The following RFX7 variants were observed in gnomAD, a reference collection of about 807,000 sequenced individuals.
RFX7 encodes DNA-binding protein RFX7.
Under a neutral mutation model 111.8 loss-of-function variants are expected in RFX7, and 26 were observed. The ratio of observed to expected loss-of-function variants is 0.23; its 90% CI spans 0.17 to 0.32. The LOEUF (loss-of-function observed/expected upper bound fraction) is 0.32, where lower values mean the gene tolerates loss of function less well. Ranked by LOEUF, RFX7 falls within the 10% of genes least tolerant of loss-of-function variation. The probability of loss-of-function intolerance (pLI) is 1.00; values close to 1 mark genes in which losing one functional copy is unlikely to be tolerated. For synonymous variants in RFX7, 624 were observed against 624.4 expected (o/e 1.00, Z 0.01); for missense variants, 1,573 against 1,772.9 (o/e 0.89, Z 2.02).
At position 56,140,685 on chromosome 15, in the gene RFX7, C is replaced by G. The variant is rs540136019; in HGVS notation, c.401+2093G>C. 3.9e-5 allele frequency among the ~76,000 whole-genome samples: 6 copies of G among 152,274 alleles called. No individual in the cohort carries two copies. The South Asian group carries it at 6.2e-4, about 16-fold the overall frequency. On this transcript the variant is annotated intron_variant, in intron 5 of 9. Transcript: ENST00000559447. ...TCTACTGAACTGTAAATTAATTGCT[C>G]AAAATTGGAGTTCTCACTACTCCTC...
intron 8 of RFX7, 53 bp from the exon 9 acceptor site, chr15:56,098,429 G>A: frequency 6.7e-7 from 1 of 1,495,962 alleles, no homozygotes; most frequent in Non-Finnish European, 8.9e-7. Flanking sequence ...TTATAGAAGG[G>A]AGGTTCCTTT....
chr15:56,163,611 G>T (rs2042750197), intron 3 of RFX7, among the ~76,000 whole-genome samples: 1 of 152,114 alleles, frequency 6.6e-6, no homozygotes, highest in African/African-American at 2.4e-5. Context: ...AAAAAGTGTT[G>T]GGAGGGTATG....
chr15:56,139,813 T>C (rs1476403253), intron 5 of RFX7, among the ~76,000 whole-genome samples: 3 of 152,148 alleles, frequency 2.0e-5, no homozygotes, highest in Admixed American at 6.5e-5. Context: ...GTCCTTTCTG[T>C]TTGTTAGTTT....
rs1412615670 is a variant in RFX7 at position 56,159,716 on chromosome 15, G to T, written c.196-15233C>A. ...TCTATATTGCAAATACTAATTTTTCGGTGTTCCTGTTTGCTCCGGACATCT... is the reference window on the plus strand; with the variant it reads ...TCTATATTGCAAATACTAATTTTTCTGTGTTCCTGTTTGCTCCGGACATCT... On this transcript the variant is annotated intron_variant, in intron 3 of 9. Transcript: ENST00000559447. Among the ~76,000 whole-genome samples the T allele has an allele frequency of 1.7e-4, 26 of 151,910 alleles. 1 individual carries two copies. The highest frequency in any genetic ancestry group is 1.6e-3 in the Admixed American group (24 of 15,242).
At chr15:56,163,432 A>C (rs1393432058) in intron 3 of RFX7, among the ~76,000 whole-genome samples, 2 of 152,190 alleles carry the variant, frequency 1.3e-5, no homozygotes, top group Non-Finnish European at 2.9e-5. Flanking sequence ...AAACCATGGG[A>C]CAGACTTGGA....
rs368855163 is a variant in RFX7, at chr15:56,093,544, T to A, written c.4184A>T (p.Asn1395Ile). 1 of 1,613,874 alleles carries A rather than the reference T, an allele frequency of 6.2e-7. No homozygotes were observed. The highest frequency in any genetic ancestry group is 8.5e-7 in the Non-Finnish European group (1 of 1,179,804). Residue 1395 changes from asparagine (N) to isoleucine (I), a missense_variant, in exon 10 of 10, where the codon AAT becomes ATT. Coordinates refer to ENST00000559447, the MANE Select transcript of RFX7 (RefSeq NM_022841.7). ...RLSSELSGSI[N>I]DLNTLDPNLL... ...ATTTGGGTCTAAAGTGTTCAAATCATTGATGCTGCCTGAGAGCTCAGAAGA... is the reference window on the plus strand; with the variant it reads ...ATTTGGGTCTAAAGTGTTCAAATCAATGATGCTGCCTGAGAGCTCAGAAGA...
intron 2 of RFX7, among the ~76,000 whole-genome samples, chr15:56,241,380 A>G (rs574451902): frequency 6.6e-6 from 1 of 152,330 alleles, no homozygotes; most frequent in South Asian, 2.1e-4. Flanking sequence ...CACTTATTTT[A>G]AAACTATAAA....
At chr15:56,182,014 A>G (rs371673548) in intron 2 of RFX7, among the ~76,000 whole-genome samples, 3 of 152,114 alleles carry the variant, frequency 2.0e-5, no homozygotes, top group African/African-American at 7.2e-5. Flanking sequence ...ATGAGAATCT[A>G]ATGCCTGATG....
At position 56,187,765 on chromosome 15, in the gene RFX7, T is replaced by A. The variant is rs549412860; in HGVS notation, c.162-8462A>T. Among the ~76,000 whole-genome samples the A allele has an allele frequency of 4.6e-5, 7 of 152,338 alleles. No homozygotes were observed. In the East Asian group the frequency reaches 1.2e-3, roughly 25 times the overall value. On this transcript the variant is annotated intron_variant, in intron 2 of 9. Coordinates refer to ENST00000559447, the MANE Select transcript of RFX7 (RefSeq NM_022841.7). ...GTGGAAGGATTTGAGATGAGATTTCTGCTGCTGCCTGTCACAGAAAAAATA... is the reference window on the plus strand; with the variant it reads ...GTGGAAGGATTTGAGATGAGATTTCAGCTGCTGCCTGTCACAGAAAAAATA...
chr15:56,152,525 C>T (rs776178053), intron 3 of RFX7, among the ~76,000 whole-genome samples: 11 of 152,004 alleles, frequency 7.2e-5, no homozygotes, highest in Non-Finnish European at 1.6e-4. Flanking sequence ...ACACAACATA[C>T]CAGAATCTCT....
chr15:56,150,361 C>G (rs1210388543), intron 3 of RFX7, among the ~76,000 whole-genome samples: 3 of 152,218 alleles, frequency 2.0e-5, no homozygotes. Context: ...TGTATACTGA[C>G]TAGGAGACAC....
intron 2 of RFX7, among the ~76,000 whole-genome samples, chr15:56,231,421 G>A (rs1450018975): frequency 1.3e-5 from 2 of 152,168 alleles, no homozygotes; most frequent in East Asian, 3.9e-4. Context: ...GCAGACAAGA[G>A]AAGATGAGAG....
intron 5 of RFX7, among the ~76,000 whole-genome samples, chr15:56,141,909 C>G (rs1250066750): frequency 1.4e-4 from 22 of 151,968 alleles, no homozygotes; most frequent in African/African-American, 5.3e-4. Context: ...AGACTTTCTT[C>G]TAGCTCCATT....
At position 56,093,551 on chromosome 15, in the gene RFX7, T is replaced by A. The variant is rs2041624027; in HGVS notation, c.4177A>T (p.Ser1393Cys). Residue 1393 changes from serine to cysteine, a missense_variant, in exon 10 of 10, where the codon AGC becomes TGC. Transcript: ENST00000559447. Reference protein sequence around the residue: ...DIRLSSELSGSINDLNTLDPN... With the variant: ...DIRLSSELSGCINDLNTLDPN... ...TCTAAAGTGTTCAAATCATTGATGC[T>A]GCCTGAGAGCTCAGAAGACAACCTG... 1.2e-6 allele frequency: 2 copies of A among 1,613,878 alleles called. No homozygotes were observed. Among genetic ancestry groups the A allele is most frequent in the East Asian group, 2.2e-5 (1 of 44,868 alleles).
At chr15:56,212,702 A>G (rs1376571126) in intron 2 of RFX7, among the ~76,000 whole-genome samples, 3 of 152,188 alleles carry the variant, frequency 2.0e-5, no homozygotes, top group Non-Finnish European at 4.4e-5. Context: ...AAGTTAATTA[A>G]AGAAGACAAG....
At chr15:56,149,837 A>C (rs761130214) in intron 3 of RFX7, among the ~76,000 whole-genome samples, 34 of 151,480 alleles carry the variant, frequency 2.2e-4, no homozygotes, top group Non-Finnish European at 1.5e-5. Context: ...CCCCAGTGGC[A>C]TGTGGAATGC....
intron 3 of RFX7, among the ~76,000 whole-genome samples, chr15:56,161,755 G>T (rs1281725827): frequency 6.6e-6 from 1 of 152,038 alleles, no homozygotes; most frequent in Non-Finnish European, 1.5e-5. Flanking sequence ...AAGTGCCAAA[G>T]TAAGAACCAA....
At position 56,094,851 on chromosome 15, in the gene RFX7, G is replaced by GGTTGGA. The variant is rs755223452; in HGVS notation, c.2871_2876dup (p.Pro964_Thr965dup). 1.4e-5 allele frequency: 22 copies of GGTTGGA among 1,554,702 alleles called. No homozygotes were observed. The Middle Eastern group carries it at 8.5e-4, about 60-fold the overall frequency. On this transcript the variant is annotated inframe_insertion, in exon 10 of 10. Transcript: ENST00000559447. ...TTTCAGATGTCGGGGTTGGGGTTGGGGTTGGAGTAGGAGTGGGTGTGGGTG... is the reference window on the plus strand; with the variant it reads ...TTTCAGATGTCGGGGTTGGGGTTGGGGTTGGAGTTGGAGTAGGAGTGGGTGTGGGTG...
Position 56,093,490 on chromosome 15 carries a change from C to A in RFX7, c.4238G>T (p.Gly1413Val), listed in dbSNP as rs1471885581. ...TTCCAGTGTAGCTTCATCATCTTGT[C>A]CCTGCTGACGACCTGGATCAAACAG... Reference protein sequence around the residue: ...NLLFDPGRQQGQDDEATLEEL... With the variant: ...NLLFDPGRQQVQDDEATLEEL... Residue 1413 changes from glycine (G) to valine (V), a missense_variant, in exon 10 of 10, where the codon GGA becomes GTA. This residue lies in a region of RFX7 where 411 missense variants were observed against 478.1 expected (regional missense o/e 0.86). Transcript: ENST00000559447. 4 of 1,613,894 alleles carry A rather than the reference C, an allele frequency of 2.5e-6. No individual in the cohort carries two copies. The highest frequency in any genetic ancestry group is 1.7e-5 in the Admixed American group (1 of 60,014).
Sources: allele counts gnomAD v4.1 joint callset (sites outside exome capture counted in the v4.1 genomes callset), GRCh38; gene constraint gnomAD v4.1.1; regional missense constraint gnomAD v4.1.1; transcripts MANE v1.5; gene names NCBI Gene and HGNC (gene_info 2026-07-23, HGNC 2026-07-21).